KCNB2: variants seen among roughly 807,000 people sequenced by gnomAD.
The protein encoded by KCNB2 is delayed rectifier potassium channel protein.
In KCNB2, 15 loss-of-function variants were observed where a neutral mutation model predicts 61.5. The ratio of observed to expected loss-of-function variants is 0.24; its 90% CI spans 0.16 to 0.38. KCNB2 has a LOEUF of 0.38. KCNB2 is among the 10% of genes least tolerant of loss of function. The pLI, the probability that KCNB2 is intolerant of heterozygous loss-of-function variation, is 1.00. For missense variants in KCNB2, 828 were observed against 1,125.2 expected, an observed-to-expected ratio of 0.74 and a Z score of 3.78; for synonymous variants, 457 against 446.0, an observed-to-expected ratio of 1.02 and a Z score of -0.31.
chr8:72,793,682 G>T (rs1189124407), intron 2 of KCNB2, among the ~76,000 whole-genome samples: 3 of 152,138 alleles, frequency 2.0e-5, no homozygotes, highest in Non-Finnish European at 1.5e-5. Context: ...TTAAATAAAT[G>T]ATCTGAATGT....
intron 2 of KCNB2, among the ~76,000 whole-genome samples, chr8:72,744,031 C>G (rs1426206469): frequency 2.6e-5 from 4 of 151,816 alleles, no homozygotes; most frequent in Non-Finnish European, 5.9e-5. Context: ...CTTTATGCTT[C>G]CAGAGAGACA....
intron 2 of KCNB2, among the ~76,000 whole-genome samples, chr8:72,870,461 T>G (rs1805598825): frequency 6.6e-6 from 1 of 152,242 alleles, no homozygotes; most frequent in Non-Finnish European, 1.5e-5. Context: ...ATAGTCATTT[T>G]TCTTCTAATT....
At chr8:72,910,002 T>C (rs1444924711) in intron 2 of KCNB2, among the ~76,000 whole-genome samples, 1 of 152,164 alleles carries the variant, frequency 6.6e-6, no homozygotes, top group Non-Finnish European at 1.5e-5. Flanking sequence ...ATCCCAATCA[T>C]CTGTGTGACT....
intron 2 of KCNB2, among the ~76,000 whole-genome samples, chr8:72,797,161 G>A (rs1382826388): frequency 6.6e-6 from 1 of 152,168 alleles, no homozygotes; most frequent in Admixed American, 6.5e-5. Context: ...GTGATGCTGG[G>A]GATGACATTT....
rs143164242 is a variant in KCNB2 at position 72,699,586 on chromosome 8, G to T, written c.579+131273G>T. ...TGCTAGTTTCTTCTGCTGTGCAGAC[G>T]CTCTTTAGTTTAATTAGATCCCATT... On this transcript the variant is annotated intron_variant, in intron 2 of 2. Transcript: ENST00000523207. Among the ~76,000 whole-genome samples the T allele has an allele frequency of 2.1e-3, 320 of 152,124 alleles. 3 individuals carry two copies. Among genetic ancestry groups the T allele is most frequent in the African/African-American group, 7.3e-3 (301 of 41,482 alleles).
chr8:72,851,669 G>C (rs1239524461), intron 2 of KCNB2, among the ~76,000 whole-genome samples: 2 of 151,906 alleles, frequency 1.3e-5, no homozygotes, highest in African/African-American at 2.4e-5. Flanking sequence ...CTGTCCGATG[G>C]CTCCATGTAA....
At chr8:72,672,492 T>A (rs1266635584) in intron 2 of KCNB2, among the ~76,000 whole-genome samples, 1 of 152,180 alleles carries the variant, frequency 6.6e-6, no homozygotes, top group Non-Finnish European at 1.5e-5. Context: ...GAGAAATAAT[T>A]CTAGTGGCAC....
intron 2 of KCNB2, among the ~76,000 whole-genome samples, chr8:72,729,890 A>C (rs1284945840): frequency 6.6e-6 from 1 of 152,184 alleles, no homozygotes; most frequent in East Asian, 1.9e-4. Flanking sequence ...CGTCTCAAAA[A>C]AAAAAAAGAT....
At chr8:72,863,434 A>G (rs997971278) in intron 2 of KCNB2, among the ~76,000 whole-genome samples, 13 of 152,208 alleles carry the variant, frequency 8.5e-5, no homozygotes, top group Non-Finnish European at 1.5e-4. Flanking sequence ...TTCAGAATTC[A>G]CACCAGATTA....
chr8:72,648,572 CT>C lies in KCNB2; in HGVS notation c.579+80272del, dbSNP rs36081843. Among the ~76,000 whole-genome samples, 578 of 143,988 alleles carry C rather than the reference CT, an allele frequency of 4.0e-3. 2 individuals carry two copies. The highest frequency in any genetic ancestry group is 0.012 in the African/African-American group (486 of 39,218). The allele number at this position is 143,988 out of a possible 152,430, so 94.5% of individuals were successfully genotyped here. Reference sequence around the variant, plus strand: ...TACAGGCATTAGCCACCACACCTGGCTTTTTTTTTTTTTCAGAATATAAATT... The same window carrying C: ...TACAGGCATTAGCCACCACACCTGGCTTTTTTTTTTTTCAGAATATAAATT... On this transcript the variant is annotated intron_variant, in intron 2 of 2. Transcript: ENST00000523207.
chr8:72,803,177 A>C (rs1018151678), intron 2 of KCNB2, among the ~76,000 whole-genome samples: 3 of 152,302 alleles, frequency 2.0e-5, no homozygotes, highest in Middle Eastern at 3.4e-3. Context: ...ACAGATAGAC[A>C]GCATCAGCAT....
In KCNB2 at chr8:72,714,419, G is replaced by T. The variant is rs551265993; in HGVS notation, c.579+146106G>T. ...TAAGGGCAGACAGAGAGAAAGGTCA[G>T]GTTACCCACAAAGGGAAGCCCATCA... On this transcript the variant is annotated intron_variant, in intron 2 of 2. Coordinates refer to ENST00000523207, the MANE Select transcript of KCNB2 (RefSeq NM_004770.3). 5.9e-5 allele frequency among the ~76,000 whole-genome samples: 9 copies of T among 152,304 alleles called. No individual in the cohort carries two copies. The South Asian group carries it at 1.9e-3, about 32-fold the overall frequency.
intron 2 of KCNB2, among the ~76,000 whole-genome samples, chr8:72,695,037 ACTT>A (rs917644245): frequency 6.6e-5 from 10 of 152,206 alleles, no homozygotes; most frequent in African/African-American, 2.4e-4. Flanking sequence ...TAATGATAAA[ACTT>A]CATCATTATA....
At chr8:72,605,212 A>G (rs1269950063) in intron 2 of KCNB2, among the ~76,000 whole-genome samples, 1 of 152,212 alleles carries the variant, frequency 6.6e-6, no homozygotes, top group African/African-American at 2.4e-5. Context: ...ATTGCACTAC[A>G]GCTGTGCTCA....
intron 2 of KCNB2, among the ~76,000 whole-genome samples, chr8:72,892,048 G>A (rs916728242): frequency 3.9e-5 from 6 of 152,092 alleles, no homozygotes; most frequent in Admixed American, 1.3e-4. Context: ...GAGGGAAGCC[G>A]AAGATATTGT....
intron 2 of KCNB2, among the ~76,000 whole-genome samples, chr8:72,901,200 AGTGG>A (rs1234094949): frequency 1.3e-5 from 2 of 152,202 alleles, no homozygotes; most frequent in African/African-American, 4.8e-5. Context: ...GCTGGGATCC[AGTGG>A]GAGGCATAGA....
chr8:72,867,442 G>A (rs1805543472), intron 2 of KCNB2, among the ~76,000 whole-genome samples: 1 of 152,110 alleles, frequency 6.6e-6, no homozygotes, highest in African/African-American at 2.4e-5. Flanking sequence ...AAGCCCAGGA[G>A]TTCAAAGCCA....
intron 2 of KCNB2, among the ~76,000 whole-genome samples, chr8:72,894,413 C>T (rs978808899): frequency 2.6e-5 from 4 of 152,008 alleles, no homozygotes; most frequent in Admixed American, 2.6e-4. Flanking sequence ...TGAGAGGAAG[C>T]CCTTGGAGGG....
Position 72,648,494 on chromosome 8 carries a change from G to A in KCNB2, c.579+80181G>A, listed in dbSNP as rs182911751. 3.4e-3 allele frequency among the ~76,000 whole-genome samples: 516 copies of A among 150,370 alleles called. 2 individuals are homozygous for A. The Middle Eastern group carries it at 0.039, about 11-fold the overall frequency. On this transcript the variant is annotated intron_variant, in intron 2 of 2. Coordinates refer to ENST00000523207, the MANE Select transcript of KCNB2 (RefSeq NM_004770.3). ...GGTCTATGTTGCCTAGGCTGGTCGC[G>A]AACCCCTGGGCTCAAGCCATCCTCC... is the stretch of plus-strand genomic sequence containing the variant.
Sources: allele counts gnomAD v4.1 joint callset (sites outside exome capture counted in the v4.1 genomes callset), GRCh38; gene constraint gnomAD v4.1.1; transcripts MANE v1.5; gene names NCBI Gene and HGNC (gene_info 2026-07-23, HGNC 2026-07-21).